The following NRXN3 variants were observed in gnomAD, a reference collection of about 807,000 sequenced individuals.
NRXN3 encodes neurexin 3.
Under a neutral mutation model 137.6 loss-of-function variants are expected in NRXN3, and 32 were observed. The observed-to-expected ratio is 0.23, with a 90% CI of 0.18 to 0.31. The LOEUF (loss-of-function observed/expected upper bound fraction) is 0.31. NRXN3 is among the 10% of genes least tolerant of loss of function. NRXN3 has a pLI of 1.00. For synonymous variants in NRXN3, 798 were observed against 784.5 expected (o/e 1.02, Z -0.29); for missense variants, 1,574 against 2,062.5 (o/e 0.76, Z 4.59).
chr14:79,488,240 A>C (rs947025581), intron 16 of NRXN3, among the ~76,000 whole-genome samples: 2 of 152,072 alleles, frequency 1.3e-5, no homozygotes, highest in African/African-American at 4.8e-5. Context: ...GCTGAGGATC[A>C]GAAGACCTGA....
intron 8 of NRXN3, among the ~76,000 whole-genome samples, chr14:78,766,552 A>G (rs915538748): frequency 3.3e-5 from 5 of 152,250 alleles, no homozygotes; most frequent in African/African-American, 1.2e-4. Context: ...TCTGAAATCA[A>G]ATTTAATTAC....
chr14:78,170,975 T>C (rs2058667966), intron 1 of NRXN3, among the ~76,000 whole-genome samples: 1 of 146,484 alleles, frequency 6.8e-6, no homozygotes, highest in Non-Finnish European at 1.5e-5. Context: ...TTTTTTTGAG[T>C]CTTTCTCCTA....
chr14:79,493,428 T>C (rs2096736257), intron 16 of NRXN3, among the ~76,000 whole-genome samples: 1 of 152,218 alleles, frequency 6.6e-6, no homozygotes. Flanking sequence ...GTGGTGACAG[T>C]GTCTCCTTGA....
chr14:79,602,820 TTCTGGAATGATTTCCAAA>T (rs1215937671), intron 16 of NRXN3, among the ~76,000 whole-genome samples: 8 of 152,196 alleles, frequency 5.3e-5, no homozygotes, highest in African/African-American at 1.9e-4. Flanking sequence ...TTATTTATAA[TTCTGGAATGATTTCCAAA>T]TCTAACTTGT....
chr14:78,533,272 G>C (rs1290093058), intron 4 of NRXN3, among the ~76,000 whole-genome samples: 1 of 151,796 alleles, frequency 6.6e-6, no homozygotes, highest in Non-Finnish European at 1.5e-5. Context: ...TTTTAGTAGA[G>C]ACAGGGTTTC....
Position 78,763,152 on chromosome 14 carries a change from C to T in NRXN3, c.2045-40468C>T, listed in dbSNP as rs540924267. Among the ~76,000 whole-genome samples the T allele has an allele frequency of 6.6e-5, 10 of 152,302 alleles. No individual in the cohort carries two copies. In the East Asian group the frequency reaches 1.7e-3, roughly 26 times the overall value. On this transcript the variant is annotated intron_variant, in intron 8 of 20. Coordinates refer to ENST00000335750, the MANE Select transcript of NRXN3 (RefSeq NM_001330195.2). Reference sequence around the variant, plus strand: ...TGCGGATTCAAGGCAATGCTGTCCCCTTTGCTACAGGTCCACTGCATTAAT... The same window carrying T: ...TGCGGATTCAAGGCAATGCTGTCCCTTTTGCTACAGGTCCACTGCATTAAT...
chr14:78,989,463 T>A (rs1371367779), intron 15 of NRXN3, among the ~76,000 whole-genome samples: 2 of 152,148 alleles, frequency 1.3e-5, no homozygotes, highest in Non-Finnish European at 2.9e-5. Flanking sequence ...AATTATGTAA[T>A]ACGCATTCAT....
chr14:79,339,431 T>G (rs1432997954), intron 15 of NRXN3, among the ~76,000 whole-genome samples: 10 of 152,206 alleles, frequency 6.6e-5, no homozygotes, highest in Admixed American at 6.5e-4. Flanking sequence ...GAATTTTCAT[T>G]TCTAACAACC....
At chr14:78,575,810 C>T (rs1051235672) in intron 4 of NRXN3, among the ~76,000 whole-genome samples, 2 of 152,088 alleles carry the variant, frequency 1.3e-5, no homozygotes, top group African/African-American at 4.8e-5. Context: ...AGACAGGAAG[C>T]CCAGATATAG....
chr14:79,646,364 C>G lies in NRXN3; in HGVS notation c.3445-17414C>G, dbSNP rs1328540303. Among the ~76,000 whole-genome samples, 3 of 135,332 alleles carry G rather than the reference C, an allele frequency of 2.2e-5. 1 individual carries two copies. Among genetic ancestry groups the G allele is most frequent in the Non-Finnish European group, 3.4e-5 (2 of 58,242 alleles). The allele number at this position is 135,332 out of a possible 152,430, so 88.8% of individuals were successfully genotyped here. A position where few individuals can be genotyped will look rare whatever the true frequency, so the allele number is the denominator to read the frequency against. ...ATGTTGCAAAGAAAGTTCCACGGGC[C>G]TACTGAAATATTACCAATCAAAATT... is the stretch of plus-strand genomic sequence containing the variant. On this transcript the variant is annotated intron_variant, in intron 16 of 20. Transcript: ENST00000335750.
intron 15 of NRXN3, among the ~76,000 whole-genome samples, chr14:79,439,129 C>G (rs1318777548): frequency 6.6e-6 from 1 of 152,250 alleles, no homozygotes; most frequent in Admixed American, 6.5e-5. Flanking sequence ...ACAGCACCTG[C>G]ATGCCACCCA....
chr14:78,186,476 A>T (rs1424767519), intron 1 of NRXN3, among the ~76,000 whole-genome samples: 1 of 152,242 alleles, frequency 6.6e-6, no homozygotes, highest in Non-Finnish European at 1.5e-5. Flanking sequence ...CCTTTGCAAC[A>T]TTACCATTTC....
intron 8 of NRXN3, among the ~76,000 whole-genome samples, chr14:78,733,224 T>A (rs2098525030): frequency 6.6e-6 from 1 of 152,154 alleles, no homozygotes; most frequent in African/African-American, 2.4e-5. Flanking sequence ...ATTTTCTGCC[T>A]CATGCCTGGG....
chr14:78,239,006 G>A (rs553984487), intron 1 of NRXN3, among the ~76,000 whole-genome samples: 255 of 152,352 alleles, frequency 1.7e-3, no homozygotes, highest in African/African-American at 4.8e-3. Context: ...GGTCATGTGA[G>A]GTTGGCATCC....
At chr14:79,539,896 A>C (rs2097255567) in intron 16 of NRXN3, among the ~76,000 whole-genome samples, 1 of 152,088 alleles carries the variant, frequency 6.6e-6, no homozygotes, top group South Asian at 2.1e-4. Context: ...CCTGAGATCC[A>C]GGTATTCCTC....
chr14:78,704,776 AT>A (rs1376197113), intron 6 of NRXN3, among the ~76,000 whole-genome samples: 1 of 152,152 alleles, frequency 6.6e-6, no homozygotes, highest in Non-Finnish European at 1.5e-5. Flanking sequence ...AATGGGGCTA[AT>A]GCTACCTATT....
At chr14:78,601,080 T>C (rs995492704) in intron 4 of NRXN3, among the ~76,000 whole-genome samples, 1 of 152,194 alleles carries the variant, frequency 6.6e-6, no homozygotes, top group East Asian at 1.9e-4. Flanking sequence ...TCTGCCTCCA[T>C]GTGTCCAGGA....
intron 2 of NRXN3, among the ~76,000 whole-genome samples, chr14:78,245,233 T>C (rs906311187): frequency 6.6e-6 from 1 of 152,172 alleles, no homozygotes; most frequent in Non-Finnish European, 1.5e-5. Context: ...AGAACAGTGG[T>C]TCTCAATTTA....
chr14:78,412,162 A>G (rs1444329307), intron 4 of NRXN3, among the ~76,000 whole-genome samples: 3 of 152,192 alleles, frequency 2.0e-5, no homozygotes, highest in African/African-American at 7.2e-5. Context: ...ATAGAGTGAC[A>G]TTTCCTGACT....
Sources: allele counts gnomAD v4.1 joint callset (sites outside exome capture counted in the v4.1 genomes callset), GRCh38; gene constraint gnomAD v4.1.1; transcripts MANE v1.5; gene names NCBI Gene and HGNC (gene_info 2026-07-23, HGNC 2026-07-21).